NLRP5: variants seen among roughly 807,000 people sequenced by gnomAD.
NLRP5 encodes NLR family pyrin domain containing 5, also known as NACHT, LRR and PYD domains-containing protein 5.
A neutral mutation model predicts 113.1 loss-of-function variants in NLRP5; 93 were observed. The ratio of observed to expected loss-of-function variants is 0.82; its 90% CI spans 0.70 to 0.98. The LOEUF (loss-of-function observed/expected upper bound fraction) is 0.98, where lower values mean the gene tolerates loss of function less well. Ranked by LOEUF, NLRP5 falls within the 50% of genes least tolerant of loss-of-function variation. NLRP5 has a pLI of 0.00. For synonymous variants in NLRP5, 751 were observed against 600.7 expected (o/e 1.25, Z -3.66); for missense variants, 1,808 against 1,514.3 (o/e 1.19, Z -3.22).
chr19:55,995,106 A>C (rs910781343), upstream of NLRP5, among the ~76,000 whole-genome samples: 3 of 152,154 alleles, frequency 2.0e-5, no homozygotes, highest in African/African-American at 7.2e-5. Context: ...AACTATCGCA[A>C]GGACAGAAAA....
the NLRP5 span, among the ~76,000 whole-genome samples, chr19:55,991,402 TAAC>T: frequency 6.6e-6 from 1 of 152,190 alleles, no homozygotes; most frequent in Non-Finnish European, 1.5e-5. Context: ...CTTGTCCTGA[TAAC>T]AATATCAGCA....
At position 56,033,609 on chromosome 19, in the gene NLRP5, C is replaced by T; in HGVS notation, c.2515C>T (p.Leu839=). The change falls in exon 9 of 15, where the codon CTA becomes TTA. Residue 839 remains leucine, a synonymous_variant. Transcript: ENST00000390649. ...GAGAATCGTCATGGCCAACCGTAAC[C>T]TAAGATCCCTCAACTTGGGAGGCAC... The T allele has an allele frequency of 6.2e-7, 1 of 1,613,744 alleles. No individual in the cohort carries two copies. Among genetic ancestry groups the T allele is most frequent in the Non-Finnish European group, 8.5e-7 (1 of 1,179,714 alleles).
chr19:56,049,313 G>C (rs1983845203), intron 11 of NLRP5, among the ~76,000 whole-genome samples: 1 of 151,944 alleles, frequency 6.6e-6, no homozygotes, highest in Non-Finnish European at 1.5e-5. Flanking sequence ...CCGAGCAGCT[G>C]GGATTACAGG....
intron 3 of NLRP5, among the ~76,000 whole-genome samples, chr19:56,014,219 C>G (rs111695200): frequency 0.055 from 8,350 of 152,146 alleles, 331 homozygotes; most frequent in Non-Finnish European, 0.078. Flanking sequence ...CGGTGGCTTA[C>G]ACCTGTAATC....
At chr19:56,024,507 G>GTA (rs1568489518) in intron 6 of NLRP5, among the ~76,000 whole-genome samples, 2 of 85,192 alleles carry the variant, frequency 2.3e-5, no homozygotes, top group Admixed American at 1.2e-4. Context: ...ATATGTATAT[G>GTA]TATATGTGTA....
intron 2 of NLRP5, 147 bp from the exon 3 acceptor site, chr19:56,008,641 C>T (rs945916657): frequency 2.9e-5 from 20 of 687,154 alleles, no homozygotes; most frequent in East Asian, 1.4e-4. Flanking sequence ...TTGTTGTCTC[C>T]GTTATAGGCC....
intron 12 of NLRP5, among the ~76,000 whole-genome samples, chr19:56,053,383 C>T (rs1345318140): frequency 2.0e-5 from 3 of 148,170 alleles, no homozygotes; most frequent in African/African-American, 7.5e-5. Context: ...GCAACAAGAG[C>T]AAAACTCCAT....
At chr19:56,050,358 C>A (rs1169445285) in intron 11 of NLRP5, 60 bp from the exon 12 acceptor site, 8 of 1,526,830 alleles carry the variant, frequency 5.2e-6, no homozygotes, top group African/African-American at 1.4e-5. Context: ...CAGCAGCTCA[C>A]TTGAGGCCAT....
intron 7 of NLRP5, among the ~76,000 whole-genome samples, chr19:56,032,277 A>G (rs1212162568): frequency 6.6e-6 from 1 of 151,842 alleles, no homozygotes; most frequent in East Asian, 1.9e-4. Context: ...CCCAGGAGGC[A>G]GAAGTTGCAG....
intron 5 of NLRP5, 23 bp from the exon 6 acceptor site, chr19:56,020,352 T>C (rs781650819): frequency 1.9e-6 from 3 of 1,611,522 alleles, no homozygotes; most frequent in Non-Finnish European, 2.5e-6. Context: ...AACACAAGTA[T>C]GTTGGAATTC....
chr19:56,035,456 G>A (rs1057033496), intron 9 of NLRP5, among the ~76,000 whole-genome samples: 1 of 152,206 alleles, frequency 6.6e-6, no homozygotes, highest in Non-Finnish European at 1.5e-5. Context: ...GGAGGAAGCT[G>A]CATGCTCACT....
intron 9 of NLRP5, among the ~76,000 whole-genome samples, chr19:56,034,047 G>C (rs557854725): frequency 6.6e-6 from 1 of 152,200 alleles, no homozygotes; most frequent in Non-Finnish European, 1.5e-5. Context: ...TGGGATTATA[G>C]GCTTGAGCCA....
chr19:56,043,749 G>T (rs1325892654), intron 11 of NLRP5, among the ~76,000 whole-genome samples: 2 of 150,716 alleles, frequency 1.3e-5, no homozygotes, highest in Non-Finnish European at 3.0e-5. Context: ...ATTTTTTTGT[G>T]TGTGTTTTTA....
chr19:56,001,337 A>C (rs1381689548), intron 1 of NLRP5, among the ~76,000 whole-genome samples: 1 of 85,492 alleles, frequency 1.2e-5, no homozygotes, highest in Middle Eastern at 5.3e-3. Flanking sequence ...AAAAAAAAAC[A>C]AACAAAAAAC....
chr19:56,029,289 C>G (rs754246907), intron 7 of NLRP5, among the ~76,000 whole-genome samples: 2 of 152,016 alleles, frequency 1.3e-5, no homozygotes, highest in African/African-American at 2.4e-5. Context: ...TTTTTTGAGA[C>G]AGAGTCTCAC....
intron 13 of NLRP5, 66 bp from the exon 14 acceptor site, chr19:56,058,174 T>C (rs1984225865): frequency 1.6e-5 from 19 of 1,198,744 alleles, no homozygotes; most frequent in Admixed American, 2.5e-5. Context: ...GTGAAATTCA[T>C]ACGGGTTGAA....
chr19:56,024,431 A>T (rs1209903957), intron 6 of NLRP5, among the ~76,000 whole-genome samples: 9 of 126,820 alleles, frequency 7.1e-5, no homozygotes, highest in Admixed American at 5.2e-4. Context: ...TTATATATAC[A>T]CATATACATA....
At chr19:56,005,371 A>G (rs1254086290) in intron 2 of NLRP5, among the ~76,000 whole-genome samples, 1 of 132,030 alleles carries the variant, frequency 7.6e-6, no homozygotes, top group African/African-American at 2.7e-5. Context: ...ATATACACAC[A>G]TATATATTTA....
chr19:55,995,179 G>A (rs542993724), upstream of NLRP5, among the ~76,000 whole-genome samples: 4 of 152,192 alleles, frequency 2.6e-5, no homozygotes, highest in African/African-American at 7.2e-5. Context: ...TGGACACAGG[G>A]TGGGGAACAT....
Sources: gnomAD v4.1 joint callset for allele counts (sites outside exome capture counted in the v4.1 genomes callset) on GRCh38, gnomAD v4.1.1 for gene constraint, MANE v1.5 for transcripts, NCBI Gene and HGNC (gene_info 2026-07-23, HGNC 2026-07-21) for gene names.